Variants in DISP3 observed in about 807,000 individuals in gnomAD.
The protein encoded by DISP3 is dispatched RND transporter family member 3.
In DISP3, 101 loss-of-function variants were observed where a neutral mutation model predicts 135.3. The ratio of observed to expected loss-of-function variants is 0.75; its 90% CI spans 0.64 to 0.88. The LOEUF (loss-of-function observed/expected upper bound fraction) is 0.88, where lower values mean the gene tolerates loss of function less well. DISP3 is among the 40% of genes least tolerant of loss of function. DISP3 has a pLI of 0.00. For missense variants in DISP3, 1,713 were observed against 1,878.6 expected (o/e 0.91, Z 1.63); for synonymous variants, 856 against 817.0 (o/e 1.05, Z -0.81).
chr1:11,503,847 A>T (rs574374455), intron 3 of DISP3, among the ~76,000 whole-genome samples: 1 of 152,222 alleles, frequency 6.6e-6, no homozygotes, highest in Non-Finnish European at 1.5e-5. Flanking sequence ...TATCGTTAAA[A>T]TGGAGAACAC....
chr1:11,500,875 A>G, intron 1 of DISP3, 115 bp from the exon 2 acceptor site: 1 of 1,122,044 alleles, frequency 8.9e-7, no homozygotes. Flanking sequence ...CCATTGCAGT[A>G]TTAGTATTTG....
intron 5 of DISP3, among the ~76,000 whole-genome samples, 160 bp downstream of exon 5, chr1:11,515,663 C>A (rs2745264): frequency 1.5e-3 from 227 of 152,210 alleles, no homozygotes; most frequent in African/African-American, 4.9e-3. Flanking sequence ...GGGTGGTGGG[C>A]GGATCCTTGG....
In DISP3 at chr1:11,525,273, G is replaced by A. The variant is rs775472009; in HGVS notation, c.2574G>A (p.Gln858=). 16 of 1,613,906 alleles carry A rather than the reference G, an allele frequency of 9.9e-6. No homozygotes were observed. The South Asian group carries it at 1.6e-4, about 17-fold the overall frequency. Residue 858 remains glutamine, a synonymous_variant, in exon 12 of 21, where the codon CAG becomes CAA. Transcript: ENST00000294484. ...SLNASLPAPW[Q]AVSPGDGEVP... Reference sequence around the variant, plus strand: ...ATGCCAGCCTGCCTGCTCCTTGGCAGGCTGTGTCGCCTGGGGATGGAGAGG... The same window carrying A: ...ATGCCAGCCTGCCTGCTCCTTGGCAAGCTGTGTCGCCTGGGGATGGAGAGG...
At chr1:11,510,411 C>T (rs1216114237) in intron 3 of DISP3, among the ~76,000 whole-genome samples, 3 of 152,014 alleles carry the variant, frequency 2.0e-5, no homozygotes, top group South Asian at 4.1e-4. Flanking sequence ...TATATCATTT[C>T]ATATGTAGTA....
rs769903777 is a variant in DISP3 at position 11,529,643 on chromosome 1, C to T, written c.2886C>T (p.Pro962=). 18 of 1,609,192 alleles carry T rather than the reference C, an allele frequency of 1.1e-5. No homozygotes were observed. The highest frequency in any genetic ancestry group is 3.3e-5 in the South Asian group (3 of 91,010). The change falls in exon 14 of 21, where the codon CCC becomes CCT. Residue 962 remains proline, a synonymous_variant. Coordinates refer to ENST00000294484, the MANE Select transcript of DISP3 (RefSeq NM_020780.2). This position sits in a 1 kb window ranked among gnomAD's most constrained non-coding sequence, Gnocchi z 4.7. The part of the protein sequence containing the change: ...APPGCLLSSS[P]DGPTKGFFFV... ...CTGGCTGCCTGCTTAGCTCCAGCCCCGATGGGCCTACCAAAGGCTTCTTCT... is the reference window on the plus strand; with the variant it reads ...CTGGCTGCCTGCTTAGCTCCAGCCCTGATGGGCCTACCAAAGGCTTCTTCT...
intron 13 of DISP3, among the ~76,000 whole-genome samples, chr1:11,527,707 TG>T (rs1214205789): frequency 6.6e-6 from 1 of 152,184 alleles, no homozygotes; most frequent in African/African-American, 2.4e-5. Flanking sequence ...AGTGGCCACC[TG>T]GCTGTCCCTC....
Position 11,516,046 on chromosome 1 carries a change from C to T in DISP3, c.1634C>T (p.Thr545Ile). ...FVFINTYRQA[T>I]HLEDPQLRMI... ...TTCATCAACACCTACCGCCAGGCCA[C>T]CCACCTGGAAGACCCACAGCTGCGC... Residue 545 changes from threonine to isoleucine, a missense_variant, in exon 6 of 21, where the codon ACC becomes ATC. By Grantham distance (89) the Thr-to-Ile change is moderately conservative. Coordinates refer to ENST00000294484, the MANE Select transcript of DISP3 (RefSeq NM_020780.2). The surrounding 1 kb of genome is among the most constrained non-coding windows in gnomAD (Gnocchi z 5.1). The T allele has an allele frequency of 1.9e-6, 3 of 1,614,118 alleles. No individual in the cohort carries two copies. Among genetic ancestry groups the T allele is most frequent in the Non-Finnish European group, 2.5e-6 (3 of 1,179,986 alleles).
In DISP3 at chr1:11,516,923, T is replaced by A. The variant is rs1273861049; in HGVS notation, c.1750-540T>A. ...TGTGTGGATTATCCAGGGACTGAGA[T>A]GCGAGGATGATTGTGAAAGTGTTTC... is the stretch of plus-strand genomic sequence containing the variant. On this transcript the variant is annotated intron_variant, in intron 6 of 20. Coordinates refer to ENST00000294484, the MANE Select transcript of DISP3 (RefSeq NM_020780.2). The surrounding 1 kb of genome is among the most constrained non-coding windows in gnomAD (Gnocchi z 5.1). Among the ~76,000 whole-genome samples the A allele has an allele frequency of 6.6e-6, 1 of 152,200 alleles. No individual in the cohort carries two copies. The highest frequency in any genetic ancestry group is 1.5e-5 in the Non-Finnish European group (1 of 68,028).
At chr1:11,533,821 G>T (rs1379438207) in intron 17 of DISP3, 4 of 717,878 alleles carry the variant, frequency 5.6e-6, no homozygotes, top group South Asian at 4.4e-5. Context: ...GAATCTTTTA[G>T]AGCAGGGTGA....
chr1:11,488,963 C>G (rs894774418), intron 1 of DISP3, among the ~76,000 whole-genome samples: 3 of 152,158 alleles, frequency 2.0e-5, no homozygotes, highest in Non-Finnish European at 4.4e-5. Context: ...GCCTCCCCCG[C>G]GATGAGAGGA....
rs1217890063 is a variant in DISP3 at position 11,501,415 on chromosome 1, C to T, written c.423C>T (p.Ala141=). Residue 141 remains alanine, a synonymous_variant, in exon 2 of 21, where the codon GCC becomes GCT. Coordinates refer to ENST00000294484, the MANE Select transcript of DISP3 (RefSeq NM_020780.2). The surrounding 1 kb of genome is among the most constrained non-coding windows in gnomAD (Gnocchi z 4.9). ...GGGGGCGGAACCGGCGCGATTTGGC[C>T]GACTTCACCTCCGAGACGCTTCAGC... ...GSWGRNRRDL[A]DFTSETLQRL... The T allele has an allele frequency of 1.9e-6, 3 of 1,595,702 alleles. No individual in the cohort carries two copies. The highest frequency in any genetic ancestry group is 1.7e-5 in the Admixed American group (1 of 57,986).
intron 1 of DISP3, among the ~76,000 whole-genome samples, chr1:11,479,933 G>A (rs1054563586): frequency 5.3e-5 from 8 of 152,190 alleles, no homozygotes; most frequent in African/African-American, 1.9e-4. Context: ...GGGGCGGGCC[G>A]GGCCAGCGAT....
chr1:11,530,616 G>T (rs1370426947), intron 15 of DISP3, among the ~76,000 whole-genome samples: 1 of 152,084 alleles, frequency 6.6e-6, no homozygotes, highest in East Asian at 1.9e-4. Context: ...GGCTGTCTGG[G>T]AGGGTGGGGA....
At chr1:11,503,024 GC>G (rs1192568595) in intron 3 of DISP3, 127 bp downstream of exon 3, 1 of 830,290 alleles carries the variant, frequency 1.2e-6, no homozygotes, top group Non-Finnish European at 1.9e-6. Context: ...CCAAATTGGG[GC>G]AGAACCAAGT....
chr1:11,534,016 C>A (rs1264927980), intron 17 of DISP3, among the ~76,000 whole-genome samples: 2 of 152,170 alleles, frequency 1.3e-5, no homozygotes, highest in East Asian at 1.9e-4. Context: ...CACCTTGGGG[C>A]ATCAAGGAAG....
chr1:11,534,438 A>C lies in DISP3; in HGVS notation c.3433A>C (p.Ser1145Arg), dbSNP rs201342075. ...CTACTCGGACTACCTGCGCTGGGAG[A>C]GCTTCCTCCAGCAGCAGCTGCAGGC... ...QTYSDYLRWE[S>R]FLQQQLQALP... Residue 1145 changes from serine to arginine, a missense_variant, in exon 18 of 21, where the codon AGC (serine) becomes CGC (arginine). By Grantham distance (110) the Ser-to-Arg change is moderately radical. This residue lies in a region of DISP3 where 1,142 missense variants were observed against 1,384.6 expected (regional missense o/e 0.82). Transcript: ENST00000294484. The C allele has an allele frequency of 3.8e-5, 62 of 1,614,036 alleles. No homozygotes were observed. The highest frequency in any genetic ancestry group is 1.2e-4 in the Admixed American group (7 of 60,004).
At chr1:11,507,119 C>T (rs1641726324) in intron 3 of DISP3, among the ~76,000 whole-genome samples, 3 of 152,186 alleles carry the variant, frequency 2.0e-5, no homozygotes, top group Admixed American at 1.3e-4. Context: ...AACACACACA[C>T]ACAGAGGTCC....
In DISP3 at chr1:11,529,549, T is replaced by C; in HGVS notation, c.2799-7T>C. ...CGGCCTCAGCCCAGCCTCCATTCCC[T>C]CCACAGGAAGCTGTACTTCGCCCAG... On this transcript the variant is annotated splice_polypyrimidine_tract_variant and splice_region_variant and intron_variant, in intron 13 of 20. Transcript: ENST00000294484. The surrounding 1 kb of genome is among the most constrained non-coding windows in gnomAD (Gnocchi z 4.7). 6.5e-7 allele frequency: 1 copy of C among 1,547,502 alleles called. No homozygotes were observed. Among genetic ancestry groups the C allele is most frequent in the African/African-American group, 1.4e-5 (1 of 72,618 alleles).
At chr1:11,530,223 C>T (rs1269165803) in intron 15 of DISP3, among the ~76,000 whole-genome samples, 1 of 152,220 alleles carries the variant, frequency 6.6e-6, no homozygotes, top group Admixed American at 6.5e-5. Context: ...GGAGAGAGGG[C>T]AATCCAGGTG....
Sources: allele counts gnomAD v4.1 joint callset (sites outside exome capture counted in the v4.1 genomes callset), GRCh38; gene constraint gnomAD v4.1.1; regional missense constraint gnomAD v4.1.1; non-coding constraint Gnocchi (gnomAD v3.1); transcripts MANE v1.5; gene names NCBI Gene and HGNC (gene_info 2026-07-23, HGNC 2026-07-21).